The following NAT10 variants were observed in gnomAD, a reference collection of about 807,000 sequenced individuals.
NAT10 encodes the protein RNA cytidine acetyltransferase.
NAT10 carries 109 observed loss-of-function variants against 132.2 expected under a neutral mutation model. The observed-to-expected ratio is 0.82, with a 90% CI of 0.71 to 0.97. The LOEUF (loss-of-function observed/expected upper bound fraction) is 0.97, where lower values mean the gene tolerates loss of function less well. Among genes scored for constraint, NAT10 ranks in the 50% least tolerant of loss-of-function variants. The pLI is 0.00. For synonymous variants in NAT10, 479 were observed against 478.0 expected (o/e 1.00, Z -0.03); for missense variants, 1,184 against 1,263.4 (o/e 0.94, Z 0.95).
At position 34,131,454 on chromosome 11, in the gene NAT10, GA is replaced by G. The variant is rs1852103869; in HGVS notation, c.1445del (p.Asn482MetfsTer14). ...CTGGGGATGCAGTGGAGAAGTGGCT[GA>G]ATGACTTGCTGTGCCTGGATTGCCT... ...APGDAVEKWL[N>X]DLLCLDCLNI... is the part of the protein sequence containing the mutation. On this transcript the variant is annotated frameshift_variant, in exon 14 of 29. Transcript: ENST00000257829. LOFTEE classifies it high-confidence loss of function. The G allele has an allele frequency of 6.2e-7, 1 of 1,614,050 alleles. No individual in the cohort carries two copies. The highest frequency in any genetic ancestry group is 1.7e-5 in the Admixed American group (1 of 60,004).
Position 34,119,226 on chromosome 11 carries a change from G to A in NAT10, c.780+723G>A, listed in dbSNP as rs1025947078. Among the ~76,000 whole-genome samples, 33 of 152,226 alleles carry A rather than the reference G, an allele frequency of 2.2e-4. 1 individual carries two copies. ...ACTTGGCTTCTCTGGTGGTTCCTGG[G>A]CCATGATGGGAACTGACTGGGCACA... On this transcript the variant is annotated intron_variant, in intron 8 of 28. Transcript: ENST00000257829.
chr11:34,109,909 C>G (rs1304764529), intron 3 of NAT10, among the ~76,000 whole-genome samples: 3 of 152,188 alleles, frequency 2.0e-5, no homozygotes, highest in African/African-American at 4.8e-5. Context: ...CAGGCCCAGC[C>G]ATGTGGAAAT....
intron 19 of NAT10, 147 bp from the exon 20 acceptor site, chr11:34,136,495 C>A (rs949796151): frequency 8.6e-5 from 73 of 848,628 alleles, no homozygotes; most frequent in Non-Finnish European, 1.2e-4. Context: ...CTCCGGTGTT[C>A]TCATAGTTTG....
At chr11:34,137,985 G>A (rs528527738) in intron 21 of NAT10, among the ~76,000 whole-genome samples, 1 of 152,152 alleles carries the variant, frequency 6.6e-6, no homozygotes, top group African/African-American at 2.4e-5. Flanking sequence ...AAGAGGAGGT[G>A]AAGAACTAGA....
chr11:34,123,927 T>C, intron 10 of NAT10, 72 bp downstream of exon 10: 6 of 1,246,486 alleles, frequency 4.8e-6, no homozygotes, highest in Non-Finnish European at 7.0e-6. Flanking sequence ...CCCAGCACTT[T>C]GGGAGGCCGA....
At chr11:34,143,627 G>A in intron 28 of NAT10, 99 bp downstream of exon 28, 1 of 1,129,402 alleles carries the variant, frequency 8.9e-7, no homozygotes, top group South Asian at 1.5e-5. Context: ...TGGAGCAAAA[G>A]CTTTGACAGA....
chr11:34,127,639 G>A (rs779170843), intron 12 of NAT10, 40 bp downstream of exon 12: 1 of 1,576,878 alleles, frequency 6.3e-7, no homozygotes. Flanking sequence ...CCCGTGGCAG[G>A]CTCTTGCAGA....
chr11:34,145,984 C>T (rs116888571), intron 28 of NAT10, 100 bp from the exon 29 acceptor site: 12,568 of 815,368 alleles, frequency 0.015, 140 homozygotes, highest in Non-Finnish European at 0.02. Flanking sequence ...AAGTTTCAGA[C>T]GGTGGAAACC....
At chr11:34,131,340 A>G in intron 13 of NAT10, 41 bp from the exon 14 acceptor site, 1 of 1,573,590 alleles carries the variant, frequency 6.4e-7, no homozygotes, top group Non-Finnish European at 8.6e-7. Context: ...TACATATTTA[A>G]TCATTGTTTC....
chr11:34,139,669 C>G (rs1852285960), intron 23 of NAT10, among the ~76,000 whole-genome samples, 174 bp downstream of exon 23: 1 of 152,168 alleles, frequency 6.6e-6, no homozygotes, highest in African/African-American at 2.4e-5. Flanking sequence ...GCTGTGCTGT[C>G]TTTCATTTTC....
In NAT10 at chr11:34,108,204, C is replaced by T. The variant is rs1213228416; in HGVS notation, c.-15-7C>T. 6.3e-7 allele frequency: 1 copy of T among 1,592,104 alleles called. No homozygotes were observed. Among genetic ancestry groups the T allele is most frequent in the Non-Finnish European group, 8.6e-7 (1 of 1,160,194 alleles). On this transcript the variant is annotated splice_region_variant and splice_polypyrimidine_tract_variant and intron_variant, in intron 1 of 28. Coordinates refer to ENST00000257829, the MANE Select transcript of NAT10 (RefSeq NM_024662.3). ...CGCATGGCCAGTTGTATTTCTTTCT[C>T]TTTTAGTAATAATTTTTCACCATGC...
intron 5 of NAT10, among the ~76,000 whole-genome samples, chr11:34,114,405 G>T (rs1468924048): frequency 6.6e-6 from 1 of 151,742 alleles, no homozygotes; most frequent in Non-Finnish European, 1.5e-5. Context: ...GTGTTCAGAG[G>T]CAAGTTTTAA....
In NAT10 at chr11:34,108,832, A is replaced by AG; in HGVS notation, c.200+1dup. The AG allele has an allele frequency of 6.2e-7, 1 of 1,612,238 alleles. No homozygotes were observed. Among genetic ancestry groups the AG allele is most frequent in the African/African-American group, 1.3e-5 (1 of 74,886 alleles). ...TTATAAGAAAGAGCTGGGGTTTAGC[A>AG]GGTAAGCTGGGCTCTTCATGTGTTT... is the stretch of plus-strand genomic sequence containing the variant. On this transcript the variant is annotated frameshift_variant and splice_region_variant, in exon 3 of 29. Transcript: ENST00000257829. LOFTEE classifies it high-confidence loss of function.
In NAT10 at chr11:34,123,758, G is replaced by A. The variant is rs1851936787; in HGVS notation, c.915-4G>A. The A allele has an allele frequency of 6.4e-7, 1 of 1,566,380 alleles. No individual in the cohort carries two copies. Among genetic ancestry groups the A allele is most frequent in the South Asian group, 1.1e-5 (1 of 89,838 alleles). ...AAAAATCCTTCTTTTATTTTGTTCTGTAGGTACTCCAATATCTTTGTTACC... is the reference window on the plus strand; with the variant it reads ...AAAAATCCTTCTTTTATTTTGTTCTATAGGTACTCCAATATCTTTGTTACC... On this transcript the variant is annotated splice_polypyrimidine_tract_variant and splice_region_variant and intron_variant, in intron 9 of 28. Transcript: ENST00000257829.
At chr11:34,111,979 CT>C in intron 3 of NAT10, 72 bp from the exon 4 acceptor site, 1 of 1,568,572 alleles carries the variant, frequency 6.4e-7, no homozygotes, top group Non-Finnish European at 8.7e-7. Flanking sequence ...ATCACTGAGC[CT>C]TTCCCCTGGT....
intron 21 of NAT10, among the ~76,000 whole-genome samples, chr11:34,138,587 G>A (rs1198143518): frequency 6.6e-6 from 1 of 152,170 alleles, no homozygotes; most frequent in African/African-American, 2.4e-5. Context: ...GAGAACGCAA[G>A]CTAGTGAGCT....
chr11:34,115,703 G>A (rs1008211729), intron 5 of NAT10, 120 bp from the exon 6 acceptor site: 2 of 843,954 alleles, frequency 2.4e-6, no homozygotes, highest in Admixed American at 2.2e-5. Flanking sequence ...AGTGTGTGTG[G>A]GAGTGATTTT....
intron 8 of NAT10, 103 bp downstream of exon 8, chr11:34,118,606 G>A (rs1181609428): frequency 1.2e-6 from 1 of 826,834 alleles, no homozygotes; most frequent in East Asian, 2.7e-5. Flanking sequence ...GACCCTCCCT[G>A]GAGAAGGGGA....
At chr11:34,110,181 C>G (rs1444419594) in intron 3 of NAT10, among the ~76,000 whole-genome samples, 1 of 152,164 alleles carries the variant, frequency 6.6e-6, no homozygotes, top group East Asian at 1.9e-4. Context: ...TCTCCTTACT[C>G]TAAACCTAGC....
Sources: gnomAD v4.1 joint callset for allele counts (sites outside exome capture counted in the v4.1 genomes callset) on GRCh38, gnomAD v4.1.1 for gene constraint, MANE v1.5 for transcripts, NCBI Gene and HGNC (gene_info 2026-07-23, HGNC 2026-07-21) for gene names.